The following MAST4 variants were observed in gnomAD, a reference collection of about 807,000 sequenced individuals.
The protein encoded by MAST4 is microtubule associated serine/threonine kinase family member 4, also known as microtubule-associated serine/threonine-protein kinase 4.
MAST4 carries 89 observed loss-of-function variants against 162.7 expected under a neutral mutation model. The ratio of observed to expected loss-of-function variants is 0.55; its 90% CI spans 0.46 to 0.65. MAST4 has a LOEUF of 0.65. MAST4 is among the 30% of genes least tolerant of loss of function. MAST4 has a pLI of 0.00. For missense variants in MAST4, 3,153 were observed against 3,374.0 expected (o/e 0.93, Z 1.62); for synonymous variants, 1,479 against 1,361.1 (o/e 1.09, Z -1.91).
chr5:67,061,673 C>T (rs1254175396), intron 5 of MAST4, among the ~76,000 whole-genome samples: 1 of 151,996 alleles, frequency 6.6e-6, no homozygotes, highest in Admixed American at 6.6e-5. Flanking sequence ...GTCTTGCTCT[C>T]AGCATCTCCT....
intron 1 of MAST4, among the ~76,000 whole-genome samples, chr5:66,673,332 C>T (rs781455137): frequency 7.9e-5 from 12 of 151,696 alleles, no homozygotes; most frequent in Admixed American, 2.0e-4. Context: ...TGTTTTTTTG[C>T]GGATTCTTAG....
chr5:66,844,784 C>T (rs1758694672), intron 3 of MAST4, among the ~76,000 whole-genome samples: 1 of 151,886 alleles, frequency 6.6e-6, no homozygotes, highest in Non-Finnish European at 1.5e-5. Context: ...GCTCATCCAG[C>T]TATGGAGTTA....
intron 1 of MAST4, among the ~76,000 whole-genome samples, chr5:66,649,397 T>C (rs1023499108): frequency 8.5e-5 from 13 of 152,146 alleles, no homozygotes; most frequent in African/African-American, 2.9e-4. Context: ...AGGAGTCTTC[T>C]ATGAGTGGCC....
At chr5:67,113,576 T>TAAA (rs1766519649) in intron 11 of MAST4, among the ~76,000 whole-genome samples, 1 of 152,200 alleles carries the variant, frequency 6.6e-6, no homozygotes, top group Non-Finnish European at 1.5e-5. Flanking sequence ...AGTTAACTAA[T>TAAA]AAAAAATGGT....
intron 3 of MAST4, among the ~76,000 whole-genome samples, chr5:66,860,241 C>A (rs1437473576): frequency 6.6e-6 from 1 of 152,198 alleles, no homozygotes. Context: ...ATAAACATTA[C>A]AGTAGTTGAT....
intron 12 of MAST4, among the ~76,000 whole-genome samples, 196 bp from the exon 13 acceptor site, chr5:67,118,486 G>C (rs1767185196): frequency 6.6e-6 from 1 of 152,164 alleles, no homozygotes; most frequent in African/African-American, 2.4e-5. Flanking sequence ...TGGAGTTCTG[G>C]GGAGGAGTGT....
At chr5:66,752,264 A>T (rs1753227378) in intron 1 of MAST4, among the ~76,000 whole-genome samples, 1 of 152,096 alleles carries the variant, frequency 6.6e-6, no homozygotes, top group Admixed American at 6.5e-5. Context: ...AGCTAACATC[A>T]TAATGACAGG....
chr5:66,788,532 T>C, intron 2 of MAST4, 138 bp from the exon 3 acceptor site: 1 of 1,137,388 alleles, frequency 8.8e-7, no homozygotes, highest in South Asian at 1.5e-5. Flanking sequence ...CAGGTTGCTA[T>C]TAATGTTATT....
intron 22 of MAST4, 138 bp from the exon 23 acceptor site, chr5:67,145,006 A>G: frequency 1.1e-6 from 1 of 897,232 alleles, no homozygotes; most frequent in Non-Finnish European, 1.7e-6. Context: ...TGTGGGTACC[A>G]CACATTAAGA....
At chr5:67,072,613 G>A (rs78416154) in intron 5 of MAST4, among the ~76,000 whole-genome samples, 1,540 of 152,214 alleles carry the variant, frequency 0.01, 30 homozygotes, top group African/African-American at 0.035. Context: ...AAAGAATCTA[G>A]AAAATCCAAG....
chr5:66,708,076 A>T (rs1207323408), intron 1 of MAST4, among the ~76,000 whole-genome samples: 1 of 152,186 alleles, frequency 6.6e-6, no homozygotes, highest in Non-Finnish European at 1.5e-5. Context: ...GAAATTCAAA[A>T]TAATTAAATT....
chr5:67,147,283 C>T (rs567493878), intron 23 of MAST4, among the ~76,000 whole-genome samples: 1 of 152,108 alleles, frequency 6.6e-6, no homozygotes, highest in African/African-American at 2.4e-5. Flanking sequence ...GTCTGAAAAC[C>T]GTGACTGTAG....
intron 1 of MAST4, among the ~76,000 whole-genome samples, chr5:66,744,921 C>A (rs1466731692): frequency 1.3e-5 from 2 of 152,110 alleles, no homozygotes; most frequent in Non-Finnish European, 2.9e-5. Context: ...GGCTTCGATG[C>A]ATGTTATTGA....
chr5:66,835,015 A>G (rs1405106689), intron 3 of MAST4, among the ~76,000 whole-genome samples: 1 of 152,166 alleles, frequency 6.6e-6, no homozygotes, highest in African/African-American at 2.4e-5. Flanking sequence ...GCCCTACAGC[A>G]GGTGCTATCA....
At position 67,090,199 on chromosome 5, in the gene MAST4, C is replaced by T. The variant is rs1561638421; in HGVS notation, c.801C>T (p.Pro267=). The change falls in exon 6 of 29, where the codon CCC becomes CCT. Residue 267 remains proline, a synonymous_variant. Coordinates refer to ENST00000403625, the MANE Select transcript of MAST4 (RefSeq NM_001164664.2). ...SPQDSPRNFS[P]SASAHFSFAR... is the part of the protein sequence containing the mutation. ...AAGATAGTCCAAGAAATTTCTCCCC[C>T]AGTGCCTCAGCCCATTTTTCATTTG... The T allele has an allele frequency of 1.2e-6, 2 of 1,613,148 alleles. No individual in the cohort carries two copies.
At chr5:66,780,567 A>C (rs954248198) in intron 2 of MAST4, among the ~76,000 whole-genome samples, 35 of 152,196 alleles carry the variant, frequency 2.3e-4, no homozygotes, top group Non-Finnish European at 5.9e-5. Flanking sequence ...GAGCAGCAGC[A>C]AGATTTATTG....
chr5:66,713,924 G>C (rs766376735), intron 1 of MAST4, among the ~76,000 whole-genome samples: 1 of 152,050 alleles, frequency 6.6e-6, no homozygotes, highest in African/African-American at 2.4e-5. Flanking sequence ...ATTTATTTCC[G>C]TGTGCCTGAT....
intron 14 of MAST4, among the ~76,000 whole-genome samples, chr5:67,127,289 A>G (rs1399630165): frequency 3.9e-5 from 6 of 152,136 alleles, no homozygotes; most frequent in African/African-American, 9.7e-5. Flanking sequence ...GAGTGGTGAG[A>G]GTGGACATCC....
chr5:67,166,196 G>A lies in MAST4; in HGVS notation c.7017G>A (p.Val2339=). 6.4e-7 allele frequency: 1 copy of A among 1,553,600 alleles called. No homozygotes were observed. Residue 2339 remains valine, a synonymous_variant, in exon 29 of 29, where the codon GTG becomes GTA. Coordinates refer to ENST00000403625, the MANE Select transcript of MAST4 (RefSeq NM_001164664.2). Reference sequence around the variant, plus strand: ...CAAAGCACCCCAAACCATCCACTGTGAAAGATTGCCCCACCCTGTGCAAAC... The same window carrying A: ...CAAAGCACCCCAAACCATCCACTGTAAAAGATTGCCCCACCCTGTGCAAAC... ...LSPKHPKPST[V]KDCPTLCKQT... is the part of the protein sequence containing the mutation.
Sources: gnomAD v4.1 joint callset for allele counts (sites outside exome capture counted in the v4.1 genomes callset) on GRCh38, gnomAD v4.1.1 for gene constraint, MANE v1.5 for transcripts, NCBI Gene and HGNC (gene_info 2026-07-23, HGNC 2026-07-21) for gene names.